CYYR1: variants seen among roughly 807,000 people sequenced by gnomAD.
CYYR1 encodes the protein cysteine and tyrosine-rich protein 1.
A neutral mutation model predicts 15.2 loss-of-function variants in CYYR1; 14 were observed. That is an observed-to-expected ratio of 0.92 (90% confidence interval 0.61 to 1.44). The LOEUF (loss-of-function observed/expected upper bound fraction) is 1.44, where lower values mean the gene tolerates loss of function less well. Ranked by LOEUF, CYYR1 falls within the 40% of genes most tolerant of loss-of-function variation. The probability of loss-of-function intolerance (pLI) is 0.00; values close to 1 mark genes in which losing one functional copy is unlikely to be tolerated. For missense variants in CYYR1, 228 were observed against 209.5 expected, an observed-to-expected ratio of 1.09 and a Z score of -0.54; for synonymous variants, 80 against 77.4, an observed-to-expected ratio of 1.03 and a Z score of -0.18.
At chr21:26,480,706 G>A (rs926025029) in intron 2 of CYYR1, among the ~76,000 whole-genome samples, 1 of 151,868 alleles carries the variant, frequency 6.6e-6, no homozygotes, top group Non-Finnish European at 1.5e-5. Flanking sequence ...TAAAATTCAT[G>A]TTTTGATACA....
At chr21:26,522,191 A>G (rs763351954) in intron 2 of CYYR1, among the ~76,000 whole-genome samples, 4 of 152,226 alleles carry the variant, frequency 2.6e-5, no homozygotes, top group Non-Finnish European at 5.9e-5. Flanking sequence ...TTCCCACTGT[A>G]GAGAAGATTT....
intron 3 of CYYR1, among the ~76,000 whole-genome samples, chr21:26,478,498 C>T (rs540907490): frequency 2.6e-4 from 40 of 152,210 alleles, no homozygotes; most frequent in African/African-American, 9.4e-4. Context: ...AAAAGAACAG[C>T]CAACTCATGC....
chr21:26,503,900 A>C (rs1054896008), intron 2 of CYYR1, among the ~76,000 whole-genome samples: 1 of 152,208 alleles, frequency 6.6e-6, no homozygotes, highest in Non-Finnish European at 1.5e-5. Context: ...GAGTCCTCCT[A>C]TTAATTATTT....
At chr21:26,517,914 A>T (rs2123547311) in intron 2 of CYYR1, among the ~76,000 whole-genome samples, 1 of 152,274 alleles carries the variant, frequency 6.6e-6, no homozygotes, top group East Asian at 1.9e-4. Context: ...ACAAGAACAT[A>T]CAGGTATTTC....
At chr21:26,486,059 A>G (rs1490938633) in intron 2 of CYYR1, among the ~76,000 whole-genome samples, 1 of 152,038 alleles carries the variant, frequency 6.6e-6, no homozygotes, top group Non-Finnish European at 1.5e-5. Flanking sequence ...ATGTTTTCGA[A>G]AGCTTATTTG....
At chr21:26,538,735 A>G (rs1449016935) in intron 2 of CYYR1, among the ~76,000 whole-genome samples, 1 of 152,114 alleles carries the variant, frequency 6.6e-6, no homozygotes, top group African/African-American at 2.4e-5. Flanking sequence ...GTGGTATCAT[A>G]TTTTTAATTG....
At chr21:26,506,454 T>C (rs2065564932) in intron 2 of CYYR1, 1 of 152,200 alleles carries the variant, frequency 6.6e-6, no homozygotes, top group Non-Finnish European at 1.5e-5. Context: ...CAAGGCATCC[T>C]GGGCCAAGGC....
intron 2 of CYYR1, among the ~76,000 whole-genome samples, chr21:26,492,654 A>G (rs2065343953): frequency 6.6e-6 from 1 of 152,102 alleles, no homozygotes; most frequent in Non-Finnish European, 1.5e-5. Flanking sequence ...ACCTTTGGGC[A>G]CGTTTGCAGG....
At chr21:26,540,051 G>T (rs1392871600) in intron 2 of CYYR1, among the ~76,000 whole-genome samples, 7 of 152,256 alleles carry the variant, frequency 4.6e-5, no homozygotes, top group African/African-American at 1.7e-4. Flanking sequence ...TTTCTTAAAA[G>T]AACTTTTCTC....
chr21:26,503,430 T>C (rs2065509188), intron 2 of CYYR1, among the ~76,000 whole-genome samples: 1 of 152,182 alleles, frequency 6.6e-6, no homozygotes, highest in African/African-American at 2.4e-5. Context: ...ATTGAATAAA[T>C]AACTAAAAAT....
At position 26,466,912 on chromosome 21, in the gene CYYR1, C is replaced by T. The variant is rs2064975125; in HGVS notation, c.*1589G>A. 1 of 152,048 alleles carries T rather than the reference C, an allele frequency of 6.6e-6. No homozygotes were observed. The highest frequency in any genetic ancestry group is 2.1e-4 in the South Asian group (1 of 4,828). The allele number at this position is 152,048 out of a possible 1,614,324, so 9.4% of individuals were successfully genotyped here. On this transcript the variant is annotated 3_prime_UTR_variant, in exon 4 of 4. Coordinates refer to ENST00000652641, the MANE Select transcript of CYYR1 (RefSeq NM_001320768.2). The stretch of plus-strand genomic sequence containing the variant: ...TTCAAAACAAATTCAGCCTTTGGAC[C>T]TTACTGGCAGGTAGGTTATATTTCA...
chr21:26,516,002 A>G (rs1254444085), intron 2 of CYYR1, among the ~76,000 whole-genome samples: 1 of 152,176 alleles, frequency 6.6e-6, no homozygotes, highest in African/African-American at 2.4e-5. Context: ...GAAATGTAAG[A>G]AGTTGGCGTA....
chr21:26,491,090 G>T (rs2065321238), intron 2 of CYYR1, among the ~76,000 whole-genome samples: 1 of 152,134 alleles, frequency 6.6e-6, no homozygotes, highest in South Asian at 2.1e-4. Flanking sequence ...AGAAAAATAT[G>T]AAACATGGAA....
chr21:26,492,655 C>T (rs219625), intron 2 of CYYR1, among the ~76,000 whole-genome samples: 68,204 of 151,608 alleles, frequency 0.45, 16,034 homozygotes, highest in Middle Eastern at 0.53. Context: ...CCTTTGGGCA[C>T]GTTTGCAGGA....
At chr21:26,492,716 C>A (rs1444528726) in intron 2 of CYYR1, among the ~76,000 whole-genome samples, 7 of 149,424 alleles carry the variant, frequency 4.7e-5, no homozygotes, top group Admixed American at 6.7e-5. Context: ...GATCATATTT[C>A]AAAAAAAAAA....
intron 2 of CYYR1, among the ~76,000 whole-genome samples, chr21:26,559,773 C>T (rs1011090384): frequency 6.6e-6 from 1 of 152,140 alleles, no homozygotes; most frequent in Non-Finnish European, 1.5e-5. Flanking sequence ...TCCATATATA[C>T]GTCAGTCAGT....
In CYYR1 at chr21:26,485,961, T is replaced by C. The variant is rs148362386; in HGVS notation, c.177-5532A>G. The stretch of plus-strand genomic sequence containing the variant: ...GTATCTAGTTTTATAATCTGTTTTT[T>C]AGCTGTTTTAACGGATAAAGCATTA... On this transcript the variant is annotated intron_variant, in intron 2 of 3. Transcript: ENST00000652641. Among the ~76,000 whole-genome samples the C allele has an allele frequency of 1.2e-4, 18 of 152,256 alleles. No homozygotes were observed. In the East Asian group the frequency reaches 3.5e-3, roughly 29 times the overall value.
intron 2 of CYYR1, among the ~76,000 whole-genome samples, chr21:26,557,691 C>CCA (rs933659028): frequency 3.3e-5 from 5 of 152,080 alleles, no homozygotes; most frequent in Admixed American, 1.3e-4. Flanking sequence ...TCATTCATTC[C>CCA]CACACACCTT....
At chr21:26,497,806 C>T (rs983177189) in intron 2 of CYYR1, among the ~76,000 whole-genome samples, 2 of 152,092 alleles carry the variant, frequency 1.3e-5, no homozygotes, top group African/African-American at 4.8e-5. Flanking sequence ...TGTTATGTTG[C>T]AAAATACCTA....
Sources: allele counts gnomAD v4.1 joint callset (sites outside exome capture counted in the v4.1 genomes callset), GRCh38; gene constraint gnomAD v4.1.1; transcripts MANE v1.5; gene names NCBI Gene and HGNC (gene_info 2026-07-23, HGNC 2026-07-21).